PLCB1: variants seen among roughly 807,000 people sequenced by gnomAD.
PLCB1 encodes the protein phospholipase C beta 1.
PLCB1 carries 46 observed loss-of-function variants against 161.8 expected under a neutral mutation model. The ratio of observed to expected loss-of-function variants is 0.28; its 90% confidence interval spans 0.22 to 0.36. The LOEUF (loss-of-function observed/expected upper bound fraction) is 0.36. Ranked by LOEUF, PLCB1 falls within the 10% of genes least tolerant of loss-of-function variation. PLCB1 has a pLI of 1.00. For missense variants in PLCB1, 1,016 were observed against 1,472.5 expected (o/e 0.69, Z 5.07); for synonymous variants, 517 against 503.7 (o/e 1.03, Z -0.35).
At chr20:8,684,898 G>GCATTCA (rs1990321862) in intron 9 of PLCB1, 34 bp from the exon 10 acceptor site, 1 of 1,548,970 alleles carries the variant, frequency 6.5e-7, no homozygotes, top group African/African-American at 1.4e-5. Flanking sequence ...ATAAAAGAAT[G>GCATTCA]CATTCACATC....
At chr20:8,499,425 AT>A (rs1310064225) in intron 3 of PLCB1, among the ~76,000 whole-genome samples, 1 of 152,184 alleles carries the variant, frequency 6.6e-6, no homozygotes, top group African/African-American at 2.4e-5. Context: ...AAATAACTAT[AT>A]ATTTTTTTCT....
chr20:8,749,981 T>A (rs1401844385), intron 23 of PLCB1, among the ~76,000 whole-genome samples: 1 of 152,088 alleles, frequency 6.6e-6, no homozygotes, highest in African/African-American at 2.4e-5. Flanking sequence ...AACCCAACTA[T>A]GTGTCAGTCA....
chr20:8,140,200 C>G (rs1457782863), intron 1 of PLCB1, among the ~76,000 whole-genome samples: 1 of 152,206 alleles, frequency 6.6e-6, no homozygotes, highest in Admixed American at 6.5e-5. Context: ...CCCCAAGGGT[C>G]TGTGCTGCTA....
At chr20:8,455,098 C>T (rs150999269) in intron 3 of PLCB1, among the ~76,000 whole-genome samples, 8,847 of 150,936 alleles carry the variant, frequency 0.059, 396 homozygotes, top group Middle Eastern at 0.1. Context: ...TTTGGGAAGC[C>T]GAGGTGGGCA....
intron 3 of PLCB1, among the ~76,000 whole-genome samples, chr20:8,445,078 T>C (rs894178438): frequency 1.3e-4 from 20 of 152,348 alleles, no homozygotes; most frequent in African/African-American, 4.8e-4. Flanking sequence ...ATTTTGGCTT[T>C]TGTTGCCATT....
intron 3 of PLCB1, among the ~76,000 whole-genome samples, chr20:8,443,171 G>A (rs1980649434): frequency 6.6e-6 from 1 of 151,954 alleles, no homozygotes; most frequent in Non-Finnish European, 1.5e-5. Context: ...TAGTAGAGAT[G>A]GGGTTTCACC....
At chr20:8,162,217 A>G (rs1015427841) in intron 2 of PLCB1, among the ~76,000 whole-genome samples, 1 of 152,160 alleles carries the variant, frequency 6.6e-6, no homozygotes, top group African/African-American at 2.4e-5. Context: ...AGTCCTGTTT[A>G]TTAACCTTAT....
At chr20:8,611,790 A>T (rs1987913280) in intron 3 of PLCB1, among the ~76,000 whole-genome samples, 1 of 152,050 alleles carries the variant, frequency 6.6e-6, no homozygotes, top group Admixed American at 6.6e-5. Flanking sequence ...AACTTTTAAG[A>T]GACGTATTAG....
chr20:8,292,383 A>G (rs1028678790), intron 2 of PLCB1, among the ~76,000 whole-genome samples: 1 of 152,166 alleles, frequency 6.6e-6, no homozygotes, highest in Non-Finnish European at 1.5e-5. Flanking sequence ...AATGTAACCA[A>G]TTGCTTAAGA....
chr20:8,232,223 AAAAGAG>A (rs1980083027), intron 2 of PLCB1, among the ~76,000 whole-genome samples: 1 of 137,060 alleles, frequency 7.3e-6, no homozygotes, highest in Non-Finnish European at 1.5e-5. Context: ...ATCTCTTTAA[AAAAGAG>A]AGAGAGAGAG....
At chr20:8,774,152 C>T (rs1274030559) in intron 26 of PLCB1, among the ~76,000 whole-genome samples, 5 of 152,114 alleles carry the variant, frequency 3.3e-5, no homozygotes, top group South Asian at 2.1e-4. Context: ...AGTTTTCATA[C>T]GGGAAAGGTA....
chr20:8,169,589 C>T (rs1433298291), intron 2 of PLCB1, among the ~76,000 whole-genome samples: 1 of 152,016 alleles, frequency 6.6e-6, no homozygotes, highest in Non-Finnish European at 1.5e-5. Flanking sequence ...TTTTTGCACC[C>T]AATTGGTTGA....
intron 3 of PLCB1, among the ~76,000 whole-genome samples, chr20:8,594,869 A>G (rs371556552): frequency 1.7e-4 from 26 of 152,294 alleles, no homozygotes; most frequent in Admixed American, 6.5e-4. Context: ...AGAGTTCCTT[A>G]CCCAAATTAG....
chr20:8,544,873 G>A (rs1281559813), intron 3 of PLCB1, among the ~76,000 whole-genome samples: 1 of 132,296 alleles, frequency 7.6e-6, no homozygotes, highest in Non-Finnish European at 1.7e-5. Context: ...TGTCTGATTT[G>A]TAAAGAGAGG....
chr20:8,182,635 C>T (rs62199966), intron 2 of PLCB1, among the ~76,000 whole-genome samples: 26,332 of 148,450 alleles, frequency 0.18, 2,468 homozygotes, highest in African/African-American at 0.23. Flanking sequence ...GACTGGAGTA[C>T]GGTGGCACGA....
At chr20:8,383,912 C>T (rs542066976) in intron 3 of PLCB1, among the ~76,000 whole-genome samples, 21 of 152,306 alleles carry the variant, frequency 1.4e-4, no homozygotes, top group Admixed American at 1.4e-3. Context: ...ATGCGCTTCC[C>T]TTTGTAGGTG....
Position 8,739,326 on chromosome 20 carries a change from C to T in PLCB1, c.2274C>T (p.Gly758=). 1.2e-6 allele frequency: 2 copies of T among 1,613,734 alleles called. No individual in the cohort carries two copies. Among genetic ancestry groups the T allele is most frequent in the Non-Finnish European group, 1.7e-6 (2 of 1,179,606 alleles). Residue 758 remains glycine (G), a synonymous_variant, in exon 21 of 32, where the codon GGC becomes GGT. Coordinates refer to ENST00000338037, the MANE Select transcript of PLCB1 (RefSeq NM_015192.4). ...AVYEEGGKFI[G]HRILPVQAIR... ...ATGAAGAAGGAGGTAAATTCATTGG[C>T]CACCGTATCTTGCCAGTGCAAGCCA... is the stretch of plus-strand genomic sequence containing the variant.
At chr20:8,632,050 T>G (rs1256337610) in intron 4 of PLCB1, among the ~76,000 whole-genome samples, 3 of 142,042 alleles carry the variant, frequency 2.1e-5, no homozygotes, top group African/African-American at 5.2e-5. Flanking sequence ...TTTTTTTTTT[T>G]TTTTTTTTTT....
chr20:8,359,144 A>C (rs144294936), intron 2 of PLCB1, among the ~76,000 whole-genome samples: 12 of 152,224 alleles, frequency 7.9e-5, no homozygotes, highest in Non-Finnish European at 1.6e-4. Flanking sequence ...TCTGACAGTG[A>C]TTGCTTTTTA....
Sources: allele counts gnomAD v4.1 joint callset (sites outside exome capture counted in the v4.1 genomes callset), GRCh38; gene constraint gnomAD v4.1.1; transcripts MANE v1.5; gene names NCBI Gene and HGNC (gene_info 2026-07-23, HGNC 2026-07-21).